ALPL: variants seen among roughly 807,000 people sequenced by gnomAD.
ALPL encodes the protein alkaline phosphatase, tissue-nonspecific isozyme.
ALPL carries 42 observed loss-of-function variants against 51.3 expected under a neutral mutation model. The observed-to-expected ratio is 0.82, with a 90% confidence interval of 0.64 to 1.06. The LOEUF is 1.06. ALPL is among the 50% of genes least tolerant of loss of function. The pLI is 0.00. For missense variants in ALPL, 589 were observed against 709.4 expected (o/e 0.83, Z 1.93); for synonymous variants, 279 against 296.4 (o/e 0.94, Z 0.60).
At chr1:21,573,047 T>C (rs1644671522) in intron 8 of ALPL, among the ~76,000 whole-genome samples, 1 of 152,166 alleles carries the variant, frequency 6.6e-6, no homozygotes, top group Non-Finnish European at 1.5e-5. Flanking sequence ...CAGCTGACAA[T>C]AGCAAGTTAT....
chr1:21,576,760 C>G (rs1373548304), intron 11 of ALPL, 119 bp downstream of exon 11: 2 of 1,399,310 alleles, frequency 1.4e-6, no homozygotes, highest in East Asian at 4.7e-5. Context: ...GGGCTTGAGT[C>G]CCAGTTTGAT....
Position 21,564,109 on chromosome 1 carries a change from T to C in ALPL, c.541T>C (p.Ser181Pro). 1 of 1,613,882 alleles carries C rather than the reference T, an allele frequency of 6.2e-7. No homozygotes were observed. The highest frequency in any genetic ancestry group is 8.5e-7 in the Non-Finnish European group (1 of 1,179,966). ...CACCCCCAGCGCCGCCTACGCCCAC[T>C]CGGCTGACCGGGACTGGTACTCAGA... ...HATPSAAYAH[S>P]ADRDWYSDNE... The change falls in exon 6 of 12, where the codon TCG becomes CCG. Residue 181 changes from serine to proline, a missense_variant. Physicochemically the swap from Ser to Pro is moderately conservative, Grantham distance 74. Transcript: ENST00000374840. The surrounding 1 kb of genome is among the most constrained non-coding windows in gnomAD (Gnocchi z 5.8).
intron 1 of ALPL, among the ~76,000 whole-genome samples, chr1:21,520,466 C>CTTTTTTT (rs35922763): frequency 1.8e-5 from 2 of 111,462 alleles, no homozygotes; most frequent in African/African-American, 3.6e-5. Context: ...TCTTTTTTCT[C>CTTTTTTT]TTTTTTTTTT....
chr1:21,573,970 C>T, intron 9 of ALPL, 171 bp downstream of exon 9: 1 of 985,400 alleles, frequency 1.0e-6, no homozygotes, highest in Non-Finnish European at 1.2e-6. Flanking sequence ...ACTCCCAGCC[C>T]AGCAAGCTGC....
intron 1 of ALPL, among the ~76,000 whole-genome samples, chr1:21,541,705 T>A (rs1489899117): frequency 6.6e-6 from 1 of 152,048 alleles, no homozygotes; most frequent in Non-Finnish European, 1.5e-5. Context: ...CTGTCTGGGC[T>A]GGGGTAGGGT....
At chr1:21,554,845 CTT>C (rs1644386567) in intron 2 of ALPL, among the ~76,000 whole-genome samples, 2 of 136,250 alleles carry the variant, frequency 1.5e-5, no homozygotes, top group East Asian at 2.9e-4. Flanking sequence ...TTCTTTCTTT[CTT>C]TCTTTCTTTC....
At position 21,564,558 on chromosome 1, in the gene ALPL, T is replaced by C. The variant is rs559501409; in HGVS notation, c.648+342T>C. Among the ~76,000 whole-genome samples the C allele has an allele frequency of 2.6e-5, 4 of 152,308 alleles. No individual in the cohort carries two copies. The South Asian group carries it at 8.3e-4, about 32-fold the overall frequency. ...AAGTGTCGTCTGCCTGCCCTGCGTA[T>C]TCACATGGTCACAGATGGGTACATA... On this transcript the variant is annotated intron_variant, in intron 6 of 11. Coordinates refer to ENST00000374840, the MANE Select transcript of ALPL (RefSeq NM_000478.6). This position sits in a 1 kb window ranked among gnomAD's most constrained non-coding sequence, Gnocchi z 5.8.
intron 1 of ALPL, among the ~76,000 whole-genome samples, chr1:21,515,278 A>C (rs922259391): frequency 6.6e-6 from 1 of 152,160 alleles, no homozygotes; most frequent in African/African-American, 2.4e-5. Context: ...GGGCCCTGCT[A>C]TGTTGCTCAG....
At chr1:21,559,155 C>G (rs1394108537) in intron 2 of ALPL, among the ~76,000 whole-genome samples, 1 of 152,206 alleles carries the variant, frequency 6.6e-6, no homozygotes, top group East Asian at 1.9e-4. Context: ...GGACAAGACC[C>G]TCCCATTCCT....
chr1:21,509,381 C>T (rs868546329), upstream of ALPL: 2 of 150,428 alleles, frequency 1.3e-5, no homozygotes, highest in African/African-American at 4.9e-5. The surrounding 1 kb of genome is among the most constrained non-coding windows in gnomAD (Gnocchi z 6.0). Context: ...CTCACTCGGG[C>T]CCCGCGGCCG....
intron 1 of ALPL, among the ~76,000 whole-genome samples, chr1:21,528,691 G>C (rs1225361997): frequency 6.6e-6 from 1 of 151,958 alleles, no homozygotes; most frequent in African/African-American, 2.4e-5. Flanking sequence ...ATAACAAGAG[G>C]TTTTCAATTT....
intron 7 of ALPL, among the ~76,000 whole-genome samples, chr1:21,569,200 C>A (rs562569097): frequency 3.7e-3 from 558 of 152,268 alleles, no homozygotes; most frequent in Non-Finnish European, 6.4e-3. Flanking sequence ...CAGGCTGGGC[C>A]AGAGCCCCCT....
intron 1 of ALPL, among the ~76,000 whole-genome samples, chr1:21,517,642 G>A (rs1288836460): frequency 6.6e-6 from 1 of 152,118 alleles, no homozygotes; most frequent in African/African-American, 2.4e-5. Flanking sequence ...GAAACCCAGA[G>A]GGGCCTGGGT....
rs774877541 is a variant in ALPL at position 21,568,213 on chromosome 1, T to A, written c.758T>A (p.Val253Asp). Reference sequence around the variant, plus strand: ...ACGAGGCTGGACGGCCTGGACCTCGTTGACACCTGGAAGAGCTTCAAACCG... The same window carrying A: ...ACGAGGCTGGACGGCCTGGACCTCGATGACACCTGGAAGAGCTTCAAACCG... ...RGTRLDGLDL[V>D]DTWKSFKPRY... Residue 253 changes from valine to aspartate, a missense_variant, in exon 7 of 12, where the codon GTT becomes GAT. Physicochemically the swap from Val to Asp is radical, Grantham distance 152. Transcript: ENST00000374840. 2 of 1,614,056 alleles carry A rather than the reference T, an allele frequency of 1.2e-6. No homozygotes were observed. Among genetic ancestry groups the A allele is most frequent in the South Asian group, 2.2e-5 (2 of 91,064 alleles).
In ALPL at chr1:21,578,265, C is replaced by T. The variant is rs1644769486; in HGVS notation, c.*617C>T. ...AGAGCCACCTGGCAGGGCTCACACT[C>T]CTGGGCTCTGAACACACACGCCAGC... is the stretch of plus-strand genomic sequence containing the variant. On this transcript the variant is annotated 3_prime_UTR_variant, in exon 12 of 12. Transcript: ENST00000374840. This position sits in a 1 kb window ranked among gnomAD's most constrained non-coding sequence, Gnocchi z 4.2. 6.5e-6 allele frequency: 1 copy of T among 154,262 alleles called. No homozygotes were observed. Among genetic ancestry groups the T allele is most frequent in the Non-Finnish European group, 1.4e-5 (1 of 69,196 alleles). 9.6% of individuals were successfully genotyped at this position (154,262 alleles called of 1,614,324 possible).
intron 6 of ALPL, among the ~76,000 whole-genome samples, chr1:21,567,055 A>G (rs1197999362): frequency 1.3e-5 from 2 of 151,928 alleles, no homozygotes; most frequent in African/African-American, 4.8e-5. Context: ...CACCTTTCCC[A>G]CCTCTCCAGC....
chr1:21,573,190 T>C (rs1299753149), intron 8 of ALPL, among the ~76,000 whole-genome samples: 1 of 152,152 alleles, frequency 6.6e-6, no homozygotes, highest in East Asian at 1.9e-4. Context: ...TCCCAACACT[T>C]TGGGAGGCCG....
At chr1:21,536,959 C>A (rs868554600) in intron 1 of ALPL, among the ~76,000 whole-genome samples, 2 of 136,372 alleles carry the variant, frequency 1.5e-5, no homozygotes, top group African/African-American at 5.6e-5. Flanking sequence ...TGCAGTGGCG[C>A]GATCTTGGCT....
chr1:21,545,683 C>T (rs1166536923), intron 1 of ALPL, among the ~76,000 whole-genome samples: 2 of 152,172 alleles, frequency 1.3e-5, no homozygotes, highest in Non-Finnish European at 2.9e-5. Flanking sequence ...CTGACTGCAC[C>T]TCACTTTCCT....
Sources: gnomAD v4.1 joint callset for allele counts (sites outside exome capture counted in the v4.1 genomes callset) on GRCh38, gnomAD v4.1.1 for gene constraint, Gnocchi (gnomAD v3.1) non-coding constraint, MANE v1.5 for transcripts, NCBI Gene and HGNC (gene_info 2026-07-23, HGNC 2026-07-21) for gene names.